ARMC5: variants seen among roughly 807,000 people sequenced by gnomAD.
ARMC5 encodes the protein armadillo repeat containing 5.
A neutral mutation model predicts 60.5 loss-of-function variants in ARMC5; 28 were observed. The observed-to-expected ratio is 0.46, with a 90% CI of 0.34 to 0.63. ARMC5 has a LOEUF of 0.63. Among genes scored for constraint, ARMC5 ranks in the 30% least tolerant of loss-of-function variants. ARMC5 has a pLI of 0.01. For synonymous variants in ARMC5, 680 were observed against 607.3 expected (o/e 1.12, Z -1.76); for missense variants, 1,189 against 1,304.9 (o/e 0.91, Z 1.37).
At chr16:31,463,924 A>G (rs1236709109) in intron 3 of ARMC5, among the ~76,000 whole-genome samples, 1 of 152,170 alleles carries the variant, frequency 6.6e-6, no homozygotes, top group East Asian at 1.9e-4. Flanking sequence ...ATGAGGTTTT[A>G]GTCGTATCCC....
rs201976379 is a variant in ARMC5 at position 31,464,469 on chromosome 16, G to A, written c.1446G>A (p.Pro482=). The A allele has an allele frequency of 7.2e-5, 115 of 1,604,024 alleles. No homozygotes were observed. Among genetic ancestry groups the A allele is most frequent in the Non-Finnish European group, 9.4e-5 (111 of 1,176,240 alleles). The change falls in exon 4 of 6, where the codon CCG becomes CCA. Residue 482 remains proline (P), a synonymous_variant. Transcript: ENST00000268314. This position sits in a 1 kb window ranked among gnomAD's most constrained non-coding sequence, Gnocchi z 7.6. The stretch of plus-strand genomic sequence containing the variant: ...CCGACTGGTCTCCTGAGCAGTGTCC[G>A]CCGGAGCCCATGGAGCCGGCCAGCC... ...ISPDWSPEQC[P]PEPMEPASPA...
Position 31,464,764 on chromosome 16 carries a change from G to C in ARMC5, c.1741G>C (p.Glu581Gln), listed in dbSNP as rs1223910509. 1.3e-6 allele frequency: 2 copies of C among 1,599,164 alleles called. No homozygotes were observed. The highest frequency in any genetic ancestry group is 1.7e-5 in the Admixed American group (1 of 59,922). ...CCTCACCTGCAACCCTGCCTGCCTC[G>C]AGGCCTTCGTGCGCAGCTATGGCGC... Reference protein sequence around the residue: ...SRLTCNPACLEAFVRSYGAAL... With the variant: ...SRLTCNPACLQAFVRSYGAAL... The change falls in exon 4 of 6, where the codon GAG becomes CAG. Residue 581 changes from glutamate (E) to glutamine (Q), a missense_variant. This residue lies in a region of ARMC5 where 862 missense variants were observed against 1,071.2 expected (regional missense o/e 0.80). Transcript: ENST00000268314. This position sits in a 1 kb window ranked among gnomAD's most constrained non-coding sequence, Gnocchi z 7.6.
At position 31,462,695 on chromosome 16, in the gene ARMC5, C is replaced by T. The variant is rs2082315171; in HGVS notation, c.1148C>T (p.Ala383Val). 2 of 1,613,768 alleles carry T rather than the reference C, an allele frequency of 1.2e-6. No individual in the cohort carries two copies. The highest frequency in any genetic ancestry group is 1.7e-6 in the Non-Finnish European group (2 of 1,180,044). ...LLMGLLRDPR[A>V]SAWHPRIVAA... Reference sequence around the variant, plus strand: ...ATGGGCCTGCTGCGGGACCCTCGTGCAAGCGCATGGCACCCTCGTATTGTG... The same window carrying T: ...ATGGGCCTGCTGCGGGACCCTCGTGTAAGCGCATGGCACCCTCGTATTGTG... Residue 383 changes from alanine (A) to valine (V), a missense_variant, in exon 3 of 6, where the codon GCA becomes GTA. Ala to Val is a moderately conservative substitution (Grantham distance 64). This residue lies in a region of ARMC5 where 862 missense variants were observed against 1,071.2 expected (regional missense o/e 0.80). Transcript: ENST00000268314. This position sits in a 1 kb window ranked among gnomAD's most constrained non-coding sequence, Gnocchi z 7.2.
chr16:31,462,424 C>T lies in ARMC5; in HGVS notation c.877C>T (p.Pro293Ser). 6.2e-7 allele frequency: 1 copy of T among 1,611,216 alleles called. No individual in the cohort carries two copies. The highest frequency in any genetic ancestry group is 8.5e-7 in the Non-Finnish European group (1 of 1,178,340). The change falls in exon 3 of 6, where the codon CCC (proline) becomes TCC (serine). Residue 293 changes from proline (P) to serine (S), a missense_variant. Coordinates refer to ENST00000268314, the MANE Select transcript of ARMC5 (RefSeq NM_001105247.2). The surrounding 1 kb of genome is among the most constrained non-coding windows in gnomAD (Gnocchi z 7.2). Reference sequence around the variant, plus strand: ...CCCACTCGTCAGCCTGGCTTCCCACCCCAAGCGGGCAGTACGCGAGGGAAC... The same window carrying T: ...CCCACTCGTCAGCCTGGCTTCCCACTCCAAGCGGGCAGTACGCGAGGGAAC... ...LGPLVSLASH[P>S]KRAVREGTIL...
chr16:31,464,297 A>T lies in ARMC5; in HGVS notation c.1371-97A>T. ...AGAGGGATACCACATTTCTTTAAAA[A>T]AAAAAAAAAAAAAAAAAAAGACGCC... On this transcript the variant is annotated intron_variant, in intron 3 of 5. Transcript: ENST00000268314. This position sits in a 1 kb window ranked among gnomAD's most constrained non-coding sequence, Gnocchi z 7.6. 7 of 905,610 alleles carry T rather than the reference A, an allele frequency of 7.7e-6. No individual in the cohort carries two copies. The African/African-American group carries it at 1.4e-4, about 19-fold the overall frequency. 56.1% of individuals were successfully genotyped at this position (905,610 alleles called of 1,614,324 possible).
chr16:31,460,767 C>T (rs1416418935), intron 1 of ARMC5, among the ~76,000 whole-genome samples: 2 of 152,118 alleles, frequency 1.3e-5, no homozygotes, highest in African/African-American at 4.8e-5. Context: ...TCAGTAGTCG[C>T]TTAGGAAGCA....
In ARMC5 at chr16:31,466,939, G is replaced by A. The variant is rs2082366741; in HGVS notation, c.*50G>A. 5 of 1,464,104 alleles carry A rather than the reference G, an allele frequency of 3.4e-6. No homozygotes were observed. In the South Asian group the frequency reaches 7.3e-5, roughly 21 times the overall value. 90.7% of individuals were successfully genotyped at this position (1,464,104 alleles called of 1,614,324 possible). A position where few individuals can be genotyped will look rare whatever the true frequency, so the allele number is the denominator to read the frequency against. ...GACCCAAGGATGAATTGGCTGTGAA[G>A]GATCCTCCCTGAGACTGGCAAGGGA... is the stretch of plus-strand genomic sequence containing the variant. On this transcript the variant is annotated 3_prime_UTR_variant, in exon 6 of 6. Transcript: ENST00000268314. This position sits in a 1 kb window ranked among gnomAD's most constrained non-coding sequence, Gnocchi z 8.0.
chr16:31,458,944 C>G, upstream of ARMC5: 1 of 1,535,626 alleles, frequency 6.5e-7, no homozygotes, highest in Non-Finnish European at 8.7e-7. Flanking sequence ...TCCACAAGCC[C>G]GTCACTCTAG....
At chr16:31,459,107 G>C (rs1392758541), upstream of ARMC5, 3 of 1,480,540 alleles carry the variant, frequency 2.0e-6, no homozygotes, top group Non-Finnish European at 2.7e-6. Context: ...CCACCGCTGG[G>C]GGGCAGCGAA....
Position 31,462,475 on chromosome 16 carries a change from G to T in ARMC5, c.928G>T (p.Ala310Ser). ...CATTCTGATCCTCGCCAACCTGTGTGCCCAGGGCCTGATTCGGCCTGCACT... is the reference window on the plus strand; with the variant it reads ...CATTCTGATCCTCGCCAACCTGTGTTCCCAGGGCCTGATTCGGCCTGCACT... ...GTILILANLCAQGLIRPALGN... is the reference protein window; with the variant it reads ...GTILILANLCSQGLIRPALGN... The change falls in exon 3 of 6, where the codon GCC becomes TCC. Residue 310 changes from alanine to serine, a missense_variant. By Grantham distance (99) the Ala-to-Ser change is moderately conservative (BLOSUM62 1). Around this residue, in one of 2 missense-constraint regions of ARMC5, gnomAD observed 862 missense variants for 1,071.2 expected, o/e 0.80. Coordinates refer to ENST00000268314, the MANE Select transcript of ARMC5 (RefSeq NM_001105247.2). This position sits in a 1 kb window ranked among gnomAD's most constrained non-coding sequence, Gnocchi z 7.2. 1.2e-6 allele frequency: 2 copies of T among 1,612,494 alleles called. No individual in the cohort carries two copies. Among genetic ancestry groups the T allele is most frequent in the Admixed American group, 1.7e-5 (1 of 60,028 alleles).
In ARMC5 at chr16:31,459,554, C is replaced by T. The variant is rs2082280382; in HGVS notation, c.30C>T (p.Asp10=). The T allele has an allele frequency of 6.2e-7, 1 of 1,606,268 alleles. No individual in the cohort carries two copies. The highest frequency in any genetic ancestry group is 1.7e-5 in the Admixed American group (1 of 59,784). The change falls in exon 1 of 6, where the codon GAC becomes GAT. Residue 10 remains aspartate (D), a synonymous_variant. Coordinates refer to ENST00000268314, the MANE Select transcript of ARMC5 (RefSeq NM_001105247.2). Reference sequence around the variant, plus strand: ...CGGCTGCGAAGCCAACCCTCACGGACTCGCTCTCGTTCTGCCTCGCGCAGC... The same window carrying T: ...CGGCTGCGAAGCCAACCCTCACGGATTCGCTCTCGTTCTGCCTCGCGCAGC... MAAAKPTLT[D]SLSFCLAQLA... is the part of the protein sequence containing the mutation.
chr16:31,464,407 T>G lies in ARMC5; in HGVS notation c.1384T>G (p.Ser462Ala). Residue 462 changes from serine to alanine, a missense_variant, in exon 4 of 6, where the codon TCC becomes GCC. By Grantham distance (99) the Ser-to-Ala change is moderately conservative. Transcript: ENST00000268314. The surrounding 1 kb of genome is among the most constrained non-coding windows in gnomAD (Gnocchi z 7.6). The stretch of plus-strand genomic sequence containing the variant: ...TGCCCTCCGCAGGTCGTGGCTGATC[T>G]CCGAGGGCTATGCCACAGGCCCTGA... ...SFRSLRSWLI[S>A]EGYATGPDDI... 6.5e-7 allele frequency: 1 copy of G among 1,527,008 alleles called. No individual in the cohort carries two copies. The highest frequency in any genetic ancestry group is 8.8e-7 in the Non-Finnish European group (1 of 1,137,818). 94.6% of individuals were successfully genotyped at this position (1,527,008 alleles called of 1,614,324 possible). A position where few individuals can be genotyped will look rare whatever the true frequency, so the allele number is the denominator to read the frequency against.
At chr16:31,459,165 G>C (rs2082274336), upstream of ARMC5, 6 of 1,509,278 alleles carry the variant, frequency 4.0e-6, no homozygotes, top group Non-Finnish European at 5.3e-6. Flanking sequence ...CACGCCGGGG[G>C]CGGGGCACGG....
chr16:31,458,911 G>A (rs1460494637), upstream of ARMC5: 5 of 1,535,538 alleles, frequency 3.3e-6, no homozygotes, highest in South Asian at 1.2e-5. Flanking sequence ...GGACACCGGG[G>A]TCCAGCTCCG....
intron 1 of ARMC5, among the ~76,000 whole-genome samples, chr16:31,461,681 T>A (rs1413782862): frequency 6.6e-6 from 1 of 152,184 alleles, no homozygotes; most frequent in East Asian, 1.9e-4. Context: ...ATAATTTTTG[T>A]ATTTTTAGTA....
At chr16:31,458,954 G>A (rs1254144351), upstream of ARMC5, 3 of 1,535,514 alleles carry the variant, frequency 2.0e-6, no homozygotes, top group East Asian at 2.4e-5. Context: ...CGTCACTCTA[G>A]GAAGCGGCAG....
Position 31,464,752 on chromosome 16 carries a change from C to T in ARMC5, c.1729C>T (p.Pro577Ser), listed in dbSNP as rs765556849. Residue 577 changes from proline to serine, a missense_variant, in exon 4 of 6, where the codon CCT becomes TCT. By Grantham distance (74) the Pro-to-Ser change is moderately conservative. This residue lies in a region of ARMC5 where 862 missense variants were observed against 1,071.2 expected (regional missense o/e 0.80). Transcript: ENST00000268314. The surrounding 1 kb of genome is among the most constrained non-coding windows in gnomAD (Gnocchi z 7.6). Reference sequence around the variant, plus strand: ...CATTCTGTCACGCCTCACCTGCAACCCTGCCTGCCTCGAGGCCTTCGTGCG... The same window carrying T: ...CATTCTGTCACGCCTCACCTGCAACTCTGCCTGCCTCGAGGCCTTCGTGCG... ...LRILSRLTCNPACLEAFVRSY... is the reference protein window; with the variant it reads ...LRILSRLTCNSACLEAFVRSY... 2 of 1,599,294 alleles carry T rather than the reference C, an allele frequency of 1.3e-6. No individual in the cohort carries two copies. Among genetic ancestry groups the T allele is most frequent in the South Asian group, 1.1e-5 (1 of 91,020 alleles).
chr16:31,458,754 G>GA, upstream of ARMC5: 2 of 1,485,234 alleles, frequency 1.3e-6, no homozygotes, highest in Non-Finnish European at 1.8e-6. Context: ...CCCGGGACGC[G>GA]AATGTCCCGC....
In ARMC5 at chr16:31,466,049, A is replaced by T; in HGVS notation, c.1998-30A>T. On this transcript the variant is annotated intron_variant, in intron 5 of 5. Coordinates refer to ENST00000268314, the MANE Select transcript of ARMC5 (RefSeq NM_001105247.2). The surrounding 1 kb of genome is among the most constrained non-coding windows in gnomAD (Gnocchi z 8.0). ...GCTGTGTTTCCCAGGCCCGTTGCCC[A>T]CCTTTTGAAAGGCCCTCTCTTCCCT... 1 of 1,588,398 alleles carries T rather than the reference A, an allele frequency of 6.3e-7. No homozygotes were observed. The highest frequency in any genetic ancestry group is 8.5e-7 in the Non-Finnish European group (1 of 1,174,610).
Sources: gnomAD v4.1 joint callset for allele counts (sites outside exome capture counted in the v4.1 genomes callset) on GRCh38, gnomAD v4.1.1 for gene constraint, gnomAD v4.1.1 regional missense constraint, Gnocchi (gnomAD v3.1) non-coding constraint, MANE v1.5 for transcripts, NCBI Gene and HGNC (gene_info 2026-07-23, HGNC 2026-07-21) for gene names.